Variants in HOXB3 observed in about 807,000 individuals in gnomAD.
HOXB3 encodes homeobox protein Hox-B3.
HOXB3 carries 17 observed loss-of-function variants against 29.2 expected under a neutral mutation model. The ratio of observed to expected loss-of-function variants is 0.58; its 90% CI spans 0.40 to 0.87. HOXB3 has a LOEUF of 0.87. Among genes scored for constraint, HOXB3 ranks in the 40% least tolerant of loss-of-function variants. The pLI is 0.00. For synonymous variants in HOXB3, 317 were observed against 285.9 expected (o/e 1.11, Z -1.10); for missense variants, 637 against 616.3 (o/e 1.03, Z -0.35).
intron 1 of HOXB3, chr17:48,578,071 G>C (rs1180960217): frequency 1.9e-6 from 2 of 1,075,592 alleles, no homozygotes; most frequent in East Asian, 6.8e-5. Context: ...GCGGTGGCGG[G>C]GGCGGCGGGG....
At chr17:48,555,460 T>C (rs1002728022) in intron 3 of HOXB3, 71 bp downstream of exon 3, 3 of 699,096 alleles carry the variant, frequency 4.3e-6, no homozygotes, top group Admixed American at 2.0e-5. Context: ...ATTGGAGTCA[T>C]ATGGGCCATA....
rs895991829 is a variant in HOXB3 at position 48,558,613 on chromosome 17, C to T, written c.-246-2995G>A. Among the ~76,000 whole-genome samples the T allele has an allele frequency of 5.3e-5, 8 of 151,950 alleles. No homozygotes were observed. In the East Asian group the frequency reaches 1.2e-3, roughly 22 times the overall value. On this transcript the variant is annotated intron_variant, in intron 2 of 4. Coordinates refer to ENST00000498678, the MANE Select transcript of HOXB3 (RefSeq NM_001384749.1). ...TGATTAGGGCTGGGAGGCTGGAGGACGGAGGGTGGAACAGGCACCCCTAAG... is the reference window on the plus strand; with the variant it reads ...TGATTAGGGCTGGGAGGCTGGAGGATGGAGGGTGGAACAGGCACCCCTAAG...
chr17:48,588,653 G>A (rs2070089649), intron 1 of HOXB3, among the ~76,000 whole-genome samples: 1 of 152,188 alleles, frequency 6.6e-6, no homozygotes, highest in African/African-American at 2.4e-5. Context: ...GTGGTGCTGG[G>A]GATCCTTTGG....
At chr17:48,563,579 T>C (rs564191724) in intron 2 of HOXB3, among the ~76,000 whole-genome samples, 10 of 152,282 alleles carry the variant, frequency 6.6e-5, no homozygotes, top group Admixed American at 1.3e-4. Context: ...TCTGGGAAAA[T>C]AAATCCCAGT....
chr17:48,586,173 G>A (rs7208449), intron 1 of HOXB3, among the ~76,000 whole-genome samples: 14,588 of 152,262 alleles, frequency 0.096, 926 homozygotes, highest in Non-Finnish European at 0.14. Context: ...TCTCCAAGAG[G>A]AACTTTAGGG....
At chr17:48,579,818 T>TA (rs2069887082) in intron 1 of HOXB3, 6 of 461,080 alleles carry the variant, frequency 1.3e-5, no homozygotes, top group Admixed American at 1.0e-4. Context: ...ATATATATAT[T>TA]TTTTTCTTCT....
At chr17:48,556,910 C>T (rs1038308645) in intron 2 of HOXB3, 1 of 152,036 alleles carries the variant, frequency 6.6e-6, no homozygotes, top group Non-Finnish European at 1.5e-5. Context: ...TTCAGAACAA[C>T]CCTGTTTGTT....
chr17:48,567,585 T>A (rs1218287949), intron 2 of HOXB3, among the ~76,000 whole-genome samples: 1 of 152,282 alleles, frequency 6.6e-6, no homozygotes. Flanking sequence ...GACCTCCACA[T>A]GAAACTATAG....
intron 4 of HOXB3, 151 bp downstream of exon 4, chr17:48,551,876 T>C: frequency 1.4e-6 from 1 of 727,364 alleles, no homozygotes; most frequent in Non-Finnish European, 2.3e-6. Flanking sequence ...TCAGGGGTCA[T>C]TAGGGGGTAG....
At chr17:48,555,216 A>G (rs1041152933) in intron 3 of HOXB3, among the ~76,000 whole-genome samples, 11 of 151,920 alleles carry the variant, frequency 7.2e-5, no homozygotes, top group African/African-American at 2.4e-4. Flanking sequence ...GAAGACAGAG[A>G]AAGGTTGAGA....
chr17:48,553,358 GC>G (rs1207805177), intron 3 of HOXB3: 1 of 152,364 alleles, frequency 6.6e-6, no homozygotes, highest in Non-Finnish European at 1.5e-5. Flanking sequence ...GCAGCCAGTG[GC>G]CCTGTGGGGC....
At chr17:48,556,636 C>G (rs1010242996) in intron 2 of HOXB3, 2 of 151,128 alleles carry the variant, frequency 1.3e-5, no homozygotes, top group South Asian at 4.2e-4. Flanking sequence ...TTTAAAAACT[C>G]TGAACATCTT....
chr17:48,554,046 A>C lies in HOXB3; in HGVS notation c.-158-1414T>G, dbSNP rs1457472605. 1 of 154,970 alleles carries C rather than the reference A, an allele frequency of 6.5e-6. No individual in the cohort carries two copies. The highest frequency in any genetic ancestry group is 2.4e-5 in the African/African-American group (1 of 41,476). 9.6% of individuals were successfully genotyped at this position (154,970 alleles called of 1,614,324 possible). The stretch of plus-strand genomic sequence containing the variant: ...TCAAAAGGGAATCAGTGTAACCCTG[A>C]GTTCCGATTGGTTTCTGGAAATACA... On this transcript the variant is annotated intron_variant, in intron 3 of 4. Coordinates refer to ENST00000498678, the MANE Select transcript of HOXB3 (RefSeq NM_001384749.1). This position sits in a 1 kb window ranked among gnomAD's most constrained non-coding sequence, Gnocchi z 4.1.
rs775487463 is a variant in HOXB3 at position 48,552,449 on chromosome 17, T to G, written c.26A>C (p.Asn9Thr). The change falls in exon 4 of 5, where the codon AAC (asparagine) becomes ACC (threonine). Residue 9 changes from asparagine to threonine, a missense_variant. Asn to Thr is a moderately conservative substitution (Grantham distance 65). Coordinates refer to ENST00000498678, the MANE Select transcript of HOXB3 (RefSeq NM_001384749.1). Reference sequence around the variant, plus strand: ...GCCTCCGAAGAGAGCAGCCGCGGCGTTGTCGTAGTAGGTGGCTTTCTGCAT... The same window carrying G: ...GCCTCCGAAGAGAGCAGCCGCGGCGGTGTCGTAGTAGGTGGCTTTCTGCAT... MQKATYYDNAAAALFGGYS... is the reference protein window; with the variant it reads MQKATYYDTAAAALFGGYS... 1.8e-5 allele frequency: 28 copies of G among 1,579,112 alleles called. No individual in the cohort carries two copies. The South Asian group carries it at 2.8e-4, about 16-fold the overall frequency.
Position 48,552,233 on chromosome 17 carries a change from TCGGGGGCCAGA to T in HOXB3, c.231_241del (p.Leu78AlafsTer20). 6.2e-7 allele frequency: 1 copy of T among 1,612,640 alleles called. No homozygotes were observed. The highest frequency in any genetic ancestry group is 8.5e-7 in the Non-Finnish European group (1 of 1,179,730). Reference sequence around the variant, plus strand: ...TGAGCCAGGCGGGGCCGACAGGGGCTCGGGGGCCAGACCCGGCCTCATGCAGCTGCCGTTGA... The same window carrying T: ...TGAGCCAGGCGGGGCCGACAGGGGCTCCCGGCCTCATGCAGCTGCCGTTGA... On this transcript the variant is annotated frameshift_variant, in exon 4 of 5. Coordinates refer to ENST00000498678, the MANE Select transcript of HOXB3 (RefSeq NM_001384749.1). LOFTEE classifies it high-confidence loss of function.
intron 1 of HOXB3, among the ~76,000 whole-genome samples, chr17:48,588,582 C>T (rs1411357852): frequency 1.3e-5 from 2 of 152,226 alleles, no homozygotes; most frequent in African/African-American, 2.4e-5. Context: ...CTGTCAACTC[C>T]GTTGCCTTGT....
intron 1 of HOXB3, among the ~76,000 whole-genome samples, chr17:48,588,545 C>T (rs1341130783): frequency 6.6e-6 from 1 of 152,234 alleles, no homozygotes; most frequent in Non-Finnish European, 1.5e-5. Context: ...GTCAGACTCT[C>T]CCTTGCAGAG....
At chr17:48,562,552 G>C (rs1248251366) in intron 2 of HOXB3, among the ~76,000 whole-genome samples, 1 of 152,138 alleles carries the variant, frequency 6.6e-6, no homozygotes, top group Non-Finnish European at 1.5e-5. Context: ...AGCTCAAGAT[G>C]CCCCAACAAT....
chr17:48,582,243 G>C (rs1321301622), intron 1 of HOXB3: 3 of 152,396 alleles, frequency 2.0e-5, no homozygotes, highest in African/African-American at 7.2e-5. Context: ...CGGCGGCGGC[G>C]GCGCGGAGGA....
Sources: gnomAD v4.1 joint callset for allele counts (sites outside exome capture counted in the v4.1 genomes callset) on GRCh38, gnomAD v4.1.1 for gene constraint, Gnocchi (gnomAD v3.1) non-coding constraint, MANE v1.5 for transcripts, NCBI Gene and HGNC (gene_info 2026-07-23, HGNC 2026-07-21) for gene names.